B3GAT2: variants seen among roughly 807,000 people sequenced by gnomAD.
B3GAT2 encodes galactosylgalactosylxylosylprotein 3-beta-glucuronosyltransferase 2.
Under a neutral mutation model 27.8 loss-of-function variants are expected in B3GAT2, and 26 were observed. That is an observed-to-expected ratio of 0.93 (90% confidence interval 0.68 to 1.30). B3GAT2 has a LOEUF of 1.30. Ranked by LOEUF, B3GAT2 falls within the 50% of genes most tolerant of loss-of-function variation. The pLI, the probability that B3GAT2 is intolerant of heterozygous loss-of-function variation, is 0.00. For synonymous variants in B3GAT2, 218 were observed against 195.1 expected (o/e 1.12, Z -0.98); for missense variants, 458 against 459.0 (o/e 1.00, Z 0.02).
At position 70,857,736 on chromosome 6, in the gene B3GAT2, C is replaced by T. The variant is rs1771492420; in HGVS notation, c.*3927G>A. 3.3e-6 allele frequency: 2 copies of T among 600,692 alleles called. No individual in the cohort carries two copies. Among genetic ancestry groups the T allele is most frequent in the South Asian group, 4.2e-5 (2 of 48,156 alleles). 37.2% of individuals were successfully genotyped at this position (600,692 alleles called of 1,614,324 possible). On this transcript the variant is annotated 3_prime_UTR_variant, in exon 4 of 4. Transcript: ENST00000230053. ...TTACTCAGGTTAATAACTGATTTGT[C>T]TGCATCCTAGAAACAACCAGCTCTC...
chr6:70,881,685 G>A (rs1007790733), intron 2 of B3GAT2, among the ~76,000 whole-genome samples: 1 of 152,174 alleles, frequency 6.6e-6, no homozygotes, highest in Non-Finnish European at 1.5e-5. Context: ...CCTGATGTGG[G>A]GGCATTCTCT....
At chr6:70,906,753 C>T (rs900404972) in intron 1 of B3GAT2, among the ~76,000 whole-genome samples, 42 of 152,210 alleles carry the variant, frequency 2.8e-4, no homozygotes, top group Admixed American at 1.1e-3. Flanking sequence ...TTCTTTAATC[C>T]GATCCCCTGC....
At chr6:70,954,976 G>C (rs780112412) in intron 1 of B3GAT2, among the ~76,000 whole-genome samples, 1 of 151,802 alleles carries the variant, frequency 6.6e-6, no homozygotes, top group Non-Finnish European at 1.5e-5. Context: ...CAACAGCAGG[G>C]AGCCCGGATG....
intron 1 of B3GAT2, among the ~76,000 whole-genome samples, chr6:70,919,346 C>G (rs1173963218): frequency 6.6e-6 from 1 of 152,182 alleles, no homozygotes. Flanking sequence ...TTGGTTAGAA[C>G]ATGCTCCTTT....
intron 1 of B3GAT2, among the ~76,000 whole-genome samples, chr6:70,953,342 T>C (rs1765603966): frequency 1.3e-5 from 2 of 152,188 alleles, no homozygotes; most frequent in Non-Finnish European, 2.9e-5. Flanking sequence ...GTCTCACAAA[T>C]AAACCTACGG....
intron 1 of B3GAT2, among the ~76,000 whole-genome samples, chr6:70,907,125 T>C (rs980343495): frequency 6.6e-6 from 1 of 152,170 alleles, no homozygotes; most frequent in South Asian, 2.1e-4. Context: ...TTCATTTTGG[T>C]TCAAATGGTA....
intron 1 of B3GAT2, among the ~76,000 whole-genome samples, chr6:70,904,462 C>T (rs1161867065): frequency 6.6e-6 from 1 of 152,192 alleles, no homozygotes; most frequent in Non-Finnish European, 1.5e-5. Context: ...AAACACCCAA[C>T]TCTTGGTTTG....
intron 1 of B3GAT2, among the ~76,000 whole-genome samples, chr6:70,953,186 T>C (rs1193224204): frequency 2.0e-5 from 3 of 152,352 alleles, no homozygotes; most frequent in Non-Finnish European, 4.4e-5. Flanking sequence ...CTCAGCCCTA[T>C]AGCATTCCTA....
intron 1 of B3GAT2, among the ~76,000 whole-genome samples, chr6:70,901,486 G>T (rs1045073033): frequency 6.6e-6 from 1 of 152,230 alleles, no homozygotes; most frequent in Non-Finnish European, 1.5e-5. Flanking sequence ...ACCCACATTG[G>T]TGTGTGTGTC....
In B3GAT2 at chr6:70,857,051, C is replaced by T; in HGVS notation, c.*4612G>A. On this transcript the variant is annotated 3_prime_UTR_variant, in exon 4 of 4. Transcript: ENST00000230053. Reference sequence around the variant, plus strand: ...TCCTGGTAATGAATTTTGATATCTGCTTTCAGTGACATTACTAGAAGTACA... The same window carrying T: ...TCCTGGTAATGAATTTTGATATCTGTTTTCAGTGACATTACTAGAAGTACA... 6.3e-7 allele frequency: 1 copy of T among 1,578,158 alleles called. No homozygotes were observed.
At chr6:70,903,971 T>C (rs1772553928) in intron 1 of B3GAT2, among the ~76,000 whole-genome samples, 1 of 152,034 alleles carries the variant, frequency 6.6e-6, no homozygotes, top group African/African-American at 2.4e-5. Context: ...ATCCATAAGC[T>C]GGAAATGGTC....
intron 2 of B3GAT2, among the ~76,000 whole-genome samples, chr6:70,885,705 G>A (rs1479878262): frequency 1.3e-5 from 2 of 152,156 alleles, no homozygotes; most frequent in African/African-American, 2.4e-5. Context: ...CAGAACAGCA[G>A]GAACTTCTGT....
At position 70,860,498 on chromosome 6, in the gene B3GAT2, T is replaced by C; in HGVS notation, c.*1165A>G. ...GTTGGTCTGTACTGATTCAATTTGA[T>C]GTGGTGAAAAGCAGGTTGATAAATC... On this transcript the variant is annotated 3_prime_UTR_variant, in exon 4 of 4. Transcript: ENST00000230053. The C allele has an allele frequency of 1.1e-5, 8 of 697,606 alleles. No individual in the cohort carries two copies. Among genetic ancestry groups the C allele is most frequent in the Non-Finnish European group, 1.7e-5 (8 of 483,842 alleles). The allele number at this position is 697,606 out of a possible 1,614,324, so 43.2% of individuals were successfully genotyped here.
intron 1 of B3GAT2, among the ~76,000 whole-genome samples, chr6:70,905,868 C>A (rs755856645): frequency 1.3e-5 from 2 of 148,852 alleles, no homozygotes; most frequent in Non-Finnish European, 3.0e-5. Context: ...AATATGGTCC[C>A]GGAATGTCTC....
At chr6:70,866,596 A>G (rs906662808) in intron 2 of B3GAT2, among the ~76,000 whole-genome samples, 6 of 152,226 alleles carry the variant, frequency 3.9e-5, no homozygotes, top group East Asian at 1.9e-4. Context: ...ACTGCAGAAT[A>G]AAAGTTGAGT....
At chr6:70,862,091 A>G (rs569558834) in intron 2 of B3GAT2, 113 bp from the exon 3 acceptor site, 21 of 985,658 alleles carry the variant, frequency 2.1e-5, no homozygotes, top group Non-Finnish European at 2.9e-5. Context: ...ACTGTGTGTC[A>G]GGTCTTGGTT....
At chr6:70,924,086 A>C (rs1284379962) in intron 1 of B3GAT2, among the ~76,000 whole-genome samples, 1 of 152,192 alleles carries the variant, frequency 6.6e-6, no homozygotes, top group Non-Finnish European at 1.5e-5. Context: ...ACCACTATAC[A>C]ATCTATACAT....
chr6:70,944,581 G>A (rs1163912871), intron 1 of B3GAT2, among the ~76,000 whole-genome samples: 3 of 152,178 alleles, frequency 2.0e-5, no homozygotes, highest in Non-Finnish European at 4.4e-5. Context: ...CTCCAACTGG[G>A]TGGAGGCCAC....
chr6:70,862,334 A>G (rs763206484), intron 2 of B3GAT2, among the ~76,000 whole-genome samples: 1 of 152,186 alleles, frequency 6.6e-6, no homozygotes, highest in Non-Finnish European at 1.5e-5. Flanking sequence ...GCTGAAAAAC[A>G]TACATGCTTA....
Sources: allele counts gnomAD v4.1 joint callset (sites outside exome capture counted in the v4.1 genomes callset), GRCh38; gene constraint gnomAD v4.1.1; transcripts MANE v1.5; gene names NCBI Gene and HGNC (gene_info 2026-07-23, HGNC 2026-07-21).